CFAP410: variants seen among roughly 807,000 people sequenced by gnomAD.
CFAP410 encodes the protein cilia- and flagella-associated protein 410.
A neutral mutation model predicts 25.7 loss-of-function variants in CFAP410; 27 were observed. That is an observed-to-expected ratio of 1.05 (90% confidence interval 0.77 to 1.45). The LOEUF (loss-of-function observed/expected upper bound fraction) is 1.45, where lower values mean the gene tolerates loss of function less well. CFAP410 is among the 40% of genes most tolerant of loss of function. The probability of loss-of-function intolerance (pLI) is 0.00; values close to 1 mark genes in which losing one functional copy is unlikely to be tolerated. For missense variants in CFAP410, 428 were observed against 354.1 expected, an observed-to-expected ratio of 1.21 and a Z score of -1.67; for synonymous variants, 178 against 158.4, an observed-to-expected ratio of 1.12 and a Z score of -0.93.
chr21:44,335,841 A>G, intron 2 of CFAP410, 37 bp from the exon 3 acceptor site: 1 of 1,530,398 alleles, frequency 6.5e-7, no homozygotes, highest in South Asian at 1.2e-5. Flanking sequence ...AGCATGGCAC[A>G]GCAGGGCATC....
chr21:44,339,104 A>G lies in CFAP410; in HGVS notation c.77+14T>C. 2 of 1,270,288 alleles carry G rather than the reference A, an allele frequency of 1.6e-6. No homozygotes were observed. Among genetic ancestry groups the G allele is most frequent in the East Asian group, 4.3e-5 (1 of 23,060 alleles). 78.7% of individuals were successfully genotyped at this position (1,270,288 alleles called of 1,614,324 possible). On this transcript the variant is annotated intron_variant, in intron 1 of 6. Coordinates refer to ENST00000339818, the MANE Select transcript of CFAP410 (RefSeq NM_004928.3). ...CCCCCACCCCGGGGCGGCCGCGGCC[A>G]GGCCCCGCCTCACCAGCAGTTGAGC...
intron 1 of CFAP410, 181 bp downstream of exon 1, chr21:44,338,932 TCTCCC>T (rs2047811035): frequency 3.7e-5 from 2 of 54,090 alleles, no homozygotes; most frequent in South Asian, 7.6e-4. Context: ...GGCTCCGCCC[TCTCCC>T]CGCCCCGGCT....
chr21:44,330,345 G>A lies in CFAP410; in HGVS notation c.643-19C>T, dbSNP rs755462234. ...GGACGTTCTGAGGGCAGAGGGGTGC[G>A]GACTAAGCCCACCCGGCACGGCGAG... is the stretch of plus-strand genomic sequence containing the variant. On this transcript the variant is annotated intron_variant, in intron 6 of 6. Transcript: ENST00000339818. The A allele has an allele frequency of 4.6e-5, 74 of 1,602,266 alleles. No individual in the cohort carries two copies. The highest frequency in any genetic ancestry group is 1.7e-4 in the Middle Eastern group (1 of 6,054).
intron 1 of CFAP410, chr21:44,338,166 T>C (rs550016453): frequency 6.4e-5 from 49 of 761,314 alleles, no homozygotes; most frequent in Admixed American, 1.2e-4. Flanking sequence ...GACACGGGAA[T>C]TGTAGCCAAA....
At chr21:44,333,428 G>C in intron 3 of CFAP410, 166 bp from the exon 4 acceptor site, 4 of 624,710 alleles carry the variant, frequency 6.4e-6, no homozygotes, top group Admixed American at 2.8e-5. Flanking sequence ...CCTGGGCCGA[G>C]GAGAGAGCTG....
In CFAP410 at chr21:44,330,276, C is replaced by A. The variant is rs905905690; in HGVS notation, c.693G>T (p.Gly231=). The A allele has an allele frequency of 6.2e-7, 1 of 1,607,854 alleles. No homozygotes were observed. Among genetic ancestry groups the A allele is most frequent in the Non-Finnish European group, 8.5e-7 (1 of 1,178,342 alleles). Residue 231 remains glycine (G), a synonymous_variant, in exon 7 of 7, where the codon GGG becomes GGT. Transcript: ENST00000339818. ...LLLLRELDAE[G]LEAVQQTVGS... ...CCACAGTCTGCTGCACGGCCTCCAG[C>A]CCCTCTGCATCCAGCTCCCGCAGCA...
Position 44,329,973 on chromosome 21 carries a change from C to T in CFAP410, c.*225G>A, listed in dbSNP as rs1465590302. On this transcript the variant is annotated 3_prime_UTR_variant, in exon 7 of 7. Coordinates refer to ENST00000339818, the MANE Select transcript of CFAP410 (RefSeq NM_004928.3). ...CCCAGGCCAGCCTAGAACCTCCAGA[C>T]CACAGAAGGGGAGTCCTGGGGACAG... is the stretch of plus-strand genomic sequence containing the variant. The T allele has an allele frequency of 4.7e-5, 26 of 551,020 alleles. No homozygotes were observed. The highest frequency in any genetic ancestry group is 8.0e-5 in the Non-Finnish European group (25 of 313,546). 34.1% of individuals were successfully genotyped at this position (551,020 alleles called of 1,614,324 possible). A position where few individuals can be genotyped will look rare whatever the true frequency, so the allele number is the denominator to read the frequency against.
chr21:44,338,496 G>A (rs2047796717), intron 1 of CFAP410: 1 of 367,872 alleles, frequency 2.7e-6, no homozygotes, highest in Non-Finnish European at 5.5e-6. Flanking sequence ...CCTGCTAGGA[G>A]TACCCTGGGA....
In CFAP410 at chr21:44,330,236, C is replaced by T; in HGVS notation, c.733G>A (p.Ala245Thr). ...TCCTGCACCTCTTCCCCACGCAGGGCCTGCAGCCGGCTGCCCACAGTCTGC... is the reference window on the plus strand; with the variant it reads ...TCCTGCACCTCTTCCCCACGCAGGGTCTGCAGCCGGCTGCCCACAGTCTGC... ...VQQTVGSRLQ[A>T]LRGEEVQEHA... The change falls in exon 7 of 7, where the codon GCC (alanine) becomes ACC (threonine). Residue 245 changes from alanine to threonine, a missense_variant. Ala to Thr is a moderately conservative substitution (Grantham distance 58). Coordinates refer to ENST00000339818, the MANE Select transcript of CFAP410 (RefSeq NM_004928.3). The T allele has an allele frequency of 1.3e-6, 2 of 1,590,202 alleles. No homozygotes were observed. Among genetic ancestry groups the T allele is most frequent in the Non-Finnish European group, 8.5e-7 (1 of 1,170,740 alleles).
intron 3 of CFAP410, chr21:44,334,447 C>T (rs2047709958): frequency 5.9e-6 from 2 of 336,668 alleles, no homozygotes; most frequent in Non-Finnish European, 1.2e-5. Flanking sequence ...CTCACTGTGT[C>T]GCCTGACTAG....
At position 44,331,985 on chromosome 21, in the gene CFAP410, G is replaced by T; in HGVS notation, c.403C>A (p.Leu135Met). Residue 135 changes from leucine to methionine, a missense_variant, in exon 5 of 7, where the codon CTG becomes ATG. Leu to Met is a conservative substitution (Grantham distance 15). Transcript: ENST00000339818. ...GCAGTGATCTCCTCTCCCTCACTCA[G>T]TGCACGGGACAGCTCCTCCTCCGTC... ...AVTEEELSRA[L>M]SEGEEITAAP... 6.2e-7 allele frequency: 1 copy of T among 1,611,318 alleles called. No homozygotes were observed. The highest frequency in any genetic ancestry group is 1.7e-5 in the Admixed American group (1 of 59,560).
At chr21:44,335,532 A>G (rs1441744136) in intron 3 of CFAP410, 5 of 591,858 alleles carry the variant, frequency 8.4e-6, no homozygotes, top group Non-Finnish European at 1.5e-5. Context: ...AGGGGACAGG[A>G]GCCATCAGGA....
chr21:44,332,728 G>T, intron 4 of CFAP410: 1 of 471,506 alleles, frequency 2.1e-6, no homozygotes, highest in Non-Finnish European at 3.8e-6. Context: ...GGTCAGAGCA[G>T]GGCTGCTACT....
rs1488090949 is a variant in CFAP410 at position 44,330,029 on chromosome 21, C to T, written c.*169G>A. 22 of 699,208 alleles carry T rather than the reference C, an allele frequency of 3.1e-5. No individual in the cohort carries two copies. The highest frequency in any genetic ancestry group is 4.0e-5 in the Non-Finnish European group (17 of 424,220). 43.3% of individuals were successfully genotyped at this position (699,208 alleles called of 1,614,324 possible). A position where few individuals can be genotyped will look rare whatever the true frequency, so the allele number is the denominator to read the frequency against. On this transcript the variant is annotated 3_prime_UTR_variant, in exon 7 of 7. Transcript: ENST00000339818. Reference sequence around the variant, plus strand: ...GTGTAGACAGGCATCTCCACCGCCCCGGTTAGCCAGTACCTAACACCCACT... The same window carrying T: ...GTGTAGACAGGCATCTCCACCGCCCTGGTTAGCCAGTACCTAACACCCACT...
In CFAP410 at chr21:44,329,925, C is replaced by G; in HGVS notation, c.*273G>C. The G allele has an allele frequency of 2.4e-6, 1 of 425,104 alleles. No individual in the cohort carries two copies. The highest frequency in any genetic ancestry group is 4.2e-6 in the Non-Finnish European group (1 of 238,842). The allele number at this position is 425,104 out of a possible 1,614,324, so 26.3% of individuals were successfully genotyped here. A position where few individuals can be genotyped will look rare whatever the true frequency, so the allele number is the denominator to read the frequency against. On this transcript the variant is annotated 3_prime_UTR_variant, in exon 7 of 7. Coordinates refer to ENST00000339818, the MANE Select transcript of CFAP410 (RefSeq NM_004928.3). ...AAAATCTTTTATTAGGGAGGACAGC[C>G]TGCAAAATCCTCCCTTTAAGAGCCC...
chr21:44,330,783 G>A, intron 6 of CFAP410, 40 bp downstream of exon 6: 5 of 1,557,620 alleles, frequency 3.2e-6, no homozygotes, highest in South Asian at 1.2e-5. Context: ...TGGGTGCAGT[G>A]GGCAGAGGCA....
At chr21:44,335,336 G>A (rs1487672538) in intron 3 of CFAP410, 1 of 209,916 alleles carries the variant, frequency 4.8e-6, no homozygotes, top group African/African-American at 2.3e-5. Context: ...AGGCAGTGGT[G>A]GCACTGGGGG....
intron 3 of CFAP410, chr21:44,333,888 C>G: frequency 2.8e-6 from 1 of 356,898 alleles, no homozygotes; most frequent in Non-Finnish European, 5.6e-6. Context: ...AGGCGCGGAG[C>G]CAGGGCCCCC....
intron 1 of CFAP410, chr21:44,338,188 G>A (rs2047789323): frequency 1.0e-6 from 1 of 970,158 alleles, no homozygotes; most frequent in Non-Finnish European, 1.3e-6. Context: ...CACCAGATAT[G>A]CCAGGGCAGA....
Sources: gnomAD v4.1 joint callset for allele counts on GRCh38, gnomAD v4.1.1 for gene constraint, MANE v1.5 for transcripts, NCBI Gene and HGNC (gene_info 2026-07-23, HGNC 2026-07-21) for gene names.